Variants in DOCK2 observed in about 807,000 individuals in gnomAD.
The protein encoded by DOCK2 is dedicator of cytokinesis 2.
Under a neutral mutation model 248.9 loss-of-function variants are expected in DOCK2, and 87 were observed. The observed-to-expected ratio is 0.35, with a 90% CI of 0.29 to 0.42. The LOEUF (loss-of-function observed/expected upper bound fraction) is 0.42, where lower values mean the gene tolerates loss of function less well. DOCK2 is among the 10% of genes least tolerant of loss of function. The pLI is 1.00. For synonymous variants in DOCK2, 805 were observed against 821.6 expected, an observed-to-expected ratio of 0.98 and a Z score of 0.35; for missense variants, 1,747 against 2,300.2, an observed-to-expected ratio of 0.76 and a Z score of 4.92.
At chr5:169,652,145 AGCAGGCTGCCCCTG>A (rs1757842561) in intron 1 of DOCK2, among the ~76,000 whole-genome samples, 1 of 152,240 alleles carries the variant, frequency 6.6e-6, no homozygotes, top group Non-Finnish European at 1.5e-5. Flanking sequence ...CACTTGCTCA[AGCAGGCTGCCCCTG>A]GCTCCTACAG....
chr5:170,048,637 G>A (rs189876946), intron 40 of DOCK2, among the ~76,000 whole-genome samples: 43 of 152,234 alleles, frequency 2.8e-4, no homozygotes, highest in African/African-American at 8.7e-4. Flanking sequence ...AAGCTCCATC[G>A]TACACTCATG....
chr5:169,931,363 G>C (rs1775743942), intron 27 of DOCK2, among the ~76,000 whole-genome samples: 1 of 152,186 alleles, frequency 6.6e-6, no homozygotes, highest in South Asian at 2.1e-4. Flanking sequence ...GTCTCTCAAA[G>C]GGCTTGCCTT....
chr5:169,900,384 C>T (rs1003257886), intron 27 of DOCK2, among the ~76,000 whole-genome samples: 5 of 152,142 alleles, frequency 3.3e-5, no homozygotes, highest in East Asian at 1.9e-4. Flanking sequence ...TGAGTCTAGA[C>T]GTGAAATGGA....
At chr5:169,852,228 C>T (rs1422377964) in intron 27 of DOCK2, among the ~76,000 whole-genome samples, 1 of 152,096 alleles carries the variant, frequency 6.6e-6, no homozygotes, top group Non-Finnish European at 1.5e-5. Flanking sequence ...GTTAGTGGAG[C>T]TGGACAAATC....
chr5:170,063,698 C>A (rs1757405002), intron 44 of DOCK2, among the ~76,000 whole-genome samples: 2 of 152,168 alleles, frequency 1.3e-5, no homozygotes, highest in Admixed American at 1.3e-4. Flanking sequence ...AGCTCCCACC[C>A]AAGGGACTGT....
chr5:170,050,678 A>C (rs528022503), intron 41 of DOCK2, among the ~76,000 whole-genome samples: 1 of 152,186 alleles, frequency 6.6e-6, no homozygotes, highest in South Asian at 2.1e-4. Flanking sequence ...TGTCAACTGT[A>C]TAAGGAAAGA....
intron 35 of DOCK2, among the ~76,000 whole-genome samples, chr5:170,035,681 C>T (rs1047112985): frequency 2.0e-5 from 3 of 152,046 alleles, no homozygotes; most frequent in Admixed American, 6.5e-5. Context: ...TAGTGCATTG[C>T]TTAAATATGG....
Position 169,811,582 on chromosome 5 carries a change from C to T in DOCK2, c.2703+8376C>T, listed in dbSNP as rs190749159. 7.2e-5 allele frequency among the ~76,000 whole-genome samples: 11 copies of T among 152,282 alleles called. No individual in the cohort carries two copies. The East Asian group carries it at 9.7e-4, about 13-fold the overall frequency. ...CACCCCTTGCTTTTCCTCTGGCTTC[C>T]GTGGAGTTAGAAATGCCCTCCTGAG... On this transcript the variant is annotated intron_variant, in intron 26 of 51. Transcript: ENST00000520908.
At chr5:169,977,749 A>G (rs1368036683) in intron 27 of DOCK2, among the ~76,000 whole-genome samples, 2 of 152,326 alleles carry the variant, frequency 1.3e-5, no homozygotes, top group African/African-American at 4.8e-5. Context: ...GCAAGGACAG[A>G]CAGCACACCT....
intron 22 of DOCK2, among the ~76,000 whole-genome samples, chr5:169,741,881 C>G (rs371211930): frequency 1.4e-5 from 2 of 141,758 alleles, no homozygotes; most frequent in African/African-American, 5.3e-5. Context: ...GCGATCTCAG[C>G]TTACCGCAAG....
intron 27 of DOCK2, among the ~76,000 whole-genome samples, chr5:169,975,805 G>A (rs908512627): frequency 5.9e-5 from 9 of 152,120 alleles, no homozygotes; most frequent in Non-Finnish European, 8.8e-5. Flanking sequence ...TCTTCCCAAC[G>A]GGGATGTGAG....
At chr5:169,812,893 C>T (rs542857225) in intron 26 of DOCK2, among the ~76,000 whole-genome samples, 7 of 152,372 alleles carry the variant, frequency 4.6e-5, no homozygotes, top group African/African-American at 1.4e-4. Context: ...AGGGCAACCC[C>T]CAAGCCAGCC....
At chr5:169,647,339 T>G (rs372577792) in intron 1 of DOCK2, among the ~76,000 whole-genome samples, 44 of 149,064 alleles carry the variant, frequency 3.0e-4, no homozygotes, top group African/African-American at 1.1e-3. Context: ...GGTGAGTGGA[T>G]GCATGGATGG....
chr5:170,079,330 G>A (rs540714769), intron 49 of DOCK2, 184 bp downstream of exon 49: 5 of 761,116 alleles, frequency 6.6e-6, no homozygotes, highest in African/African-American at 5.3e-5. Context: ...CAGGCAGCTG[G>A]GGTGGCTGGG....
At chr5:169,883,233 G>A (rs1772771040) in intron 27 of DOCK2, 1 of 1,551,510 alleles carries the variant, frequency 6.4e-7, no homozygotes, top group Non-Finnish European at 8.7e-7. Context: ...ACCTGTCTGG[G>A]CTGAGAGCAG....
chr5:169,716,095 C>A, intron 19 of DOCK2, 118 bp from the exon 20 acceptor site: 2 of 903,450 alleles, frequency 2.2e-6, no homozygotes, highest in Non-Finnish European at 3.4e-6. Flanking sequence ...ACGTTTTGAG[C>A]ATGACATGTG....
intron 15 of DOCK2, 122 bp from the exon 16 acceptor site, chr5:169,711,813 T>C: frequency 1.0e-6 from 1 of 954,178 alleles, no homozygotes; most frequent in South Asian, 1.4e-5. Context: ...AATGGATGGG[T>C]TGTAAATCAG....
At chr5:170,022,506 C>A (rs913624064) in intron 33 of DOCK2, among the ~76,000 whole-genome samples, 1 of 152,112 alleles carries the variant, frequency 6.6e-6, no homozygotes, top group Non-Finnish European at 1.5e-5. Context: ...CATCCCAGAC[C>A]ATCTCGGGGG....
chr5:169,772,950 A>G (rs1293340832), intron 25 of DOCK2: 2 of 152,206 alleles, frequency 1.3e-5, no homozygotes, highest in Non-Finnish European at 2.9e-5. Flanking sequence ...TCATTTCTTC[A>G]AGAAAGTACC....
Sources: allele counts gnomAD v4.1 joint callset (sites outside exome capture counted in the v4.1 genomes callset), GRCh38; gene constraint gnomAD v4.1.1; transcripts MANE v1.5; gene names NCBI Gene and HGNC (gene_info 2026-07-23, HGNC 2026-07-21).